The following GALNT13 variants were observed in gnomAD, a reference collection of about 807,000 sequenced individuals.
GALNT13 encodes the protein UDP-GalNAc:polypeptide N-acetylgalactosaminyltransferase 13.
A neutral mutation model predicts 64.2 loss-of-function variants in GALNT13; 28 were observed. The observed-to-expected ratio is 0.44, with a 90% confidence interval of 0.32 to 0.60. The LOEUF (loss-of-function observed/expected upper bound fraction) is 0.60. Among genes scored for constraint, GALNT13 ranks in the 20% least tolerant of loss-of-function variants. The pLI is 0.05. For missense variants in GALNT13, 577 were observed against 669.8 expected (o/e 0.86, Z 1.53); for synonymous variants, 214 against 224.6 (o/e 0.95, Z 0.42).
chr2:153,378,305 TAGA>T, the GALNT13 span, among the ~76,000 whole-genome samples: 3 of 139,428 alleles, frequency 2.2e-5, no homozygotes, highest in Admixed American at 7.0e-5. Context: ...GATAGATAGA[TAGA>T]TAATTTTTTT....
chr2:153,814,493 A>G, the GALNT13 span, among the ~76,000 whole-genome samples: 5,949 of 152,064 alleles, frequency 0.039, 170 homozygotes, highest in East Asian at 0.13. Context: ...AAATAAATAA[A>G]TAAATAAATA....
chr2:153,744,733 A>G, the GALNT13 span, among the ~76,000 whole-genome samples: 1 of 152,122 alleles, frequency 6.6e-6, no homozygotes, highest in Non-Finnish European at 1.5e-5. Flanking sequence ...TAGAGTTGTC[A>G]TATGGGCCAG....
At chr2:153,273,124 T>A in the GALNT13 span, among the ~76,000 whole-genome samples, 4 of 152,010 alleles carry the variant, frequency 2.6e-5, no homozygotes, top group Non-Finnish European at 5.9e-5. Context: ...CACCGGGGCC[T>A]GTCAGGGGGT....
intron 3 of GALNT13, among the ~76,000 whole-genome samples, chr2:153,971,358 T>C (rs1213124324): frequency 6.6e-6 from 1 of 152,160 alleles, no homozygotes; most frequent in Non-Finnish European, 1.5e-5. Context: ...TTTACATTCT[T>C]TCTTTTCTAG....
At chr2:153,665,172 A>C in the GALNT13 span, among the ~76,000 whole-genome samples, 3 of 152,142 alleles carry the variant, frequency 2.0e-5, no homozygotes, top group African/African-American at 7.2e-5. Flanking sequence ...AACTGAGGAG[A>C]AGAATGTCTA....
chr2:153,601,733 T>C, the GALNT13 span, among the ~76,000 whole-genome samples: 1 of 151,862 alleles, frequency 6.6e-6, no homozygotes, highest in African/African-American at 2.4e-5. Flanking sequence ...AGGCCTTCTA[T>C]GACTTTTTAG....
chr2:153,541,622 C>A, the GALNT13 span, among the ~76,000 whole-genome samples: 271 of 152,234 alleles, frequency 1.8e-3, 5 homozygotes, highest in Admixed American at 0.016. Flanking sequence ...TCTGATCTAC[C>A]TTGTTTGATT....
the GALNT13 span, among the ~76,000 whole-genome samples, chr2:153,198,534 G>A: frequency 6.6e-6 from 1 of 152,162 alleles, no homozygotes; most frequent in African/African-American, 2.4e-5. Flanking sequence ...TATTCAAAAT[G>A]TGGTTAGCTA....
At chr2:153,126,294 T>TTATATA in the GALNT13 span, among the ~76,000 whole-genome samples, 46 of 50,952 alleles carry the variant, frequency 9.0e-4, 2 homozygotes, top group Middle Eastern at 9.3e-3. Flanking sequence ...AGTATTGATT[T>TTATATA]TGTATATATA....
At chr2:153,942,404 A>G (rs539653815) in intron 2 of GALNT13, among the ~76,000 whole-genome samples, 1 of 152,196 alleles carries the variant, frequency 6.6e-6, no homozygotes, top group South Asian at 2.1e-4. Flanking sequence ...ATTTTCTACA[A>G]TAAAGTGAAA....
chr2:154,078,928 A>C (rs954809619), intron 3 of GALNT13, among the ~76,000 whole-genome samples: 2 of 151,618 alleles, frequency 1.3e-5, no homozygotes, highest in African/African-American at 4.8e-5. Flanking sequence ...AAATAATGCT[A>C]CTCATCTTTG....
the GALNT13 span, among the ~76,000 whole-genome samples, chr2:153,627,925 G>A: frequency 2.6e-5 from 4 of 151,744 alleles, no homozygotes; most frequent in South Asian, 2.1e-4. Flanking sequence ...GCATTGAATC[G>A]GTAAATTACC....
intron 12 of GALNT13, among the ~76,000 whole-genome samples, chr2:154,442,117 G>C (rs1437435242): frequency 6.6e-6 from 1 of 152,064 alleles, no homozygotes; most frequent in Non-Finnish European, 1.5e-5. Context: ...AATGCTATCA[G>C]TTATTTGTTA....
At chr2:153,863,862 T>C in the GALNT13 span, among the ~76,000 whole-genome samples, 5 of 152,184 alleles carry the variant, frequency 3.3e-5, no homozygotes, top group East Asian at 5.8e-4. Context: ...ATATGGTATA[T>C]GTAAGTGAAA....
chr2:153,550,649 T>C, the GALNT13 span, among the ~76,000 whole-genome samples: 1 of 152,204 alleles, frequency 6.6e-6, no homozygotes, highest in Non-Finnish European at 1.5e-5. Context: ...ACATCTTGAG[T>C]GCCTACTAAG....
In GALNT13 at chr2:154,335,786, T is replaced by A. The variant is rs182838644; in HGVS notation, c.1156+34197T>A. Among the ~76,000 whole-genome samples, 42 of 152,220 alleles carry A rather than the reference T, an allele frequency of 2.8e-4. 1 individual carries two copies. Among genetic ancestry groups the A allele is most frequent in the Admixed American group, 2.8e-3 (42 of 15,260 alleles). On this transcript the variant is annotated intron_variant, in intron 9 of 12. Transcript: ENST00000392825. ...CTGTTATAAACAGCATAACAATGAATATTTTTAAAGTAAATGTTTGCCCAT... is the reference window on the plus strand; with the variant it reads ...CTGTTATAAACAGCATAACAATGAAAATTTTTAAAGTAAATGTTTGCCCAT...
At chr2:153,977,918 G>A (rs1000556455) in intron 3 of GALNT13, among the ~76,000 whole-genome samples, 92 of 151,630 alleles carry the variant, frequency 6.1e-4, no homozygotes, top group African/African-American at 2.1e-3. Flanking sequence ...AGAGAAATAC[G>A]ATCTTTCAAT....
chr2:154,268,466 G>T (rs1363376143), intron 8 of GALNT13, among the ~76,000 whole-genome samples: 1 of 152,130 alleles, frequency 6.6e-6, no homozygotes, highest in Non-Finnish European at 1.5e-5. Flanking sequence ...AAAACTTTTA[G>T]TGGTAATGTA....
At chr2:154,006,650 A>G (rs930974662) in intron 3 of GALNT13, among the ~76,000 whole-genome samples, 19 of 152,194 alleles carry the variant, frequency 1.2e-4, no homozygotes, top group African/African-American at 4.6e-4. Context: ...TTACAACACA[A>G]TGACCATGGT....
Sources: allele counts gnomAD v4.1 joint callset (sites outside exome capture counted in the v4.1 genomes callset), GRCh38; gene constraint gnomAD v4.1.1; transcripts MANE v1.5; gene names NCBI Gene and HGNC (gene_info 2026-07-23, HGNC 2026-07-21).